The following SIPA1 variants were observed in gnomAD, a reference collection of about 807,000 sequenced individuals.
The protein encoded by SIPA1 is signal-induced proliferation-associated protein 1.
Under a neutral mutation model 88.1 loss-of-function variants are expected in SIPA1, and 51 were observed. The ratio of observed to expected loss-of-function variants is 0.58; its 90% CI spans 0.46 to 0.73. SIPA1 has a LOEUF of 0.73. Among genes scored for constraint, SIPA1 ranks in the 30% least tolerant of loss-of-function variants. The probability of loss-of-function intolerance (pLI) is 0.00; values close to 1 mark genes in which losing one functional copy is unlikely to be tolerated. For missense variants in SIPA1, 1,348 were observed against 1,467.6 expected (o/e 0.92, Z 1.33); for synonymous variants, 681 against 664.8 (o/e 1.02, Z -0.37).
chr11:65,642,263 C>A lies in SIPA1; in HGVS notation c.693C>A (p.Phe231Leu), dbSNP rs1467412488. 6.4e-7 allele frequency: 1 copy of A among 1,554,748 alleles called. No individual in the cohort carries two copies. Among genetic ancestry groups the A allele is most frequent in the Non-Finnish European group, 8.7e-7 (1 of 1,150,278 alleles). The part of the protein sequence containing the change: ...KYFYGKEHQN[F>L]FGMDESLGPV... The stretch of plus-strand genomic sequence containing the variant: ...GCGGTCCCCCAGAACATCAGAACTT[C>A]TTCGGGATGGACGAGTCGCTGGGCC... Residue 231 changes from phenylalanine to leucine, a missense_variant, in exon 3 of 16, where the codon TTC (phenylalanine) becomes TTA (leucine). Coordinates refer to ENST00000534313, the MANE Select transcript of SIPA1 (RefSeq NM_006747.4). The surrounding 1 kb of genome is among the most constrained non-coding windows in gnomAD (Gnocchi z 6.5).
rs143728100 is a variant in SIPA1, at chr11:65,650,606, G to A, written c.3020G>A (p.Arg1007Gln). Reference protein sequence around the residue: ...ADRAALEEEVRSLRHNNRRLQ... With the variant: ...ADRAALEEEVQSLRHNNRRLQ... ...AGGGCGGCCCTGGAGGAGGAGGTGC[G>A]GAGCCTGAGACACAACAACCGGCGG... The change falls in exon 16 of 16, where the codon CGG (arginine) becomes CAG (glutamine). Residue 1007 changes from arginine (R) to glutamine (Q), a missense_variant. Arg to Gln is a conservative substitution (Grantham distance 43, BLOSUM62 1). Transcript: ENST00000534313. 1.5e-4 allele frequency: 236 copies of A among 1,586,442 alleles called. No individual in the cohort carries two copies. The African/African-American group carries it at 2.9e-3, about 19-fold the overall frequency.
rs774826251 is a variant in SIPA1 at position 65,647,467 on chromosome 11, G to A, written c.2115G>A (p.Glu705=). ...GCCTGGGCTTCGAGGTGGACGCCGA[G>A]GGATTCGTCACGCACGTGGAGCGCT... The part of the protein sequence containing the change: ...QGRLGFEVDA[E]GFVTHVERFT... Residue 705 remains glutamate (E), a synonymous_variant, in exon 9 of 16, where the codon GAG becomes GAA. Coordinates refer to ENST00000534313, the MANE Select transcript of SIPA1 (RefSeq NM_006747.4). 73 of 1,480,902 alleles carry A rather than the reference G, an allele frequency of 4.9e-5. No homozygotes were observed. The highest frequency in any genetic ancestry group is 6.3e-5 in the Non-Finnish European group (71 of 1,124,544). 91.7% of individuals were successfully genotyped at this position (1,480,902 alleles called of 1,614,324 possible).
Position 65,646,507 on chromosome 11 carries a change from T to G in SIPA1, c.1473T>G (p.Pro491=). ...QDTPAFGPAL[P]AGGGPFAANA... Reference sequence around the variant, plus strand: ...CCCCTGCCTTCGGGCCAGCTCTGCCTGCTGGCGGAGGCCCCTTCGCAGCCA... The same window carrying G: ...CCCCTGCCTTCGGGCCAGCTCTGCCGGCTGGCGGAGGCCCCTTCGCAGCCA... The change falls in exon 8 of 16, where the codon CCT becomes CCG. Residue 491 remains proline, a synonymous_variant. Transcript: ENST00000534313. This position sits in a 1 kb window ranked among gnomAD's most constrained non-coding sequence, Gnocchi z 7.5. 1 of 1,575,564 alleles carries G rather than the reference T, an allele frequency of 6.3e-7. No individual in the cohort carries two copies. Among genetic ancestry groups the G allele is most frequent in the Non-Finnish European group, 8.6e-7 (1 of 1,167,578 alleles).
Position 65,642,073 on chromosome 11 carries a change from G to A in SIPA1, c.680-177G>A, listed in dbSNP as rs1474173196. 1 of 913,510 alleles carries A rather than the reference G, an allele frequency of 1.1e-6. No individual in the cohort carries two copies. Among genetic ancestry groups the A allele is most frequent in the Admixed American group, 3.1e-5 (1 of 31,764 alleles). 56.6% of individuals were successfully genotyped at this position (913,510 alleles called of 1,614,324 possible). A position where few individuals can be genotyped will look rare whatever the true frequency, so the allele number is the denominator to read the frequency against. Reference sequence around the variant, plus strand: ...AGGTCTGGGTCTGGGTCCACCTCTGGGTCAGGGTTGAGATCAAGATATTGA... The same window carrying A: ...AGGTCTGGGTCTGGGTCCACCTCTGAGTCAGGGTTGAGATCAAGATATTGA... On this transcript the variant is annotated intron_variant, in intron 2 of 15. Coordinates refer to ENST00000534313, the MANE Select transcript of SIPA1 (RefSeq NM_006747.4). The surrounding 1 kb of genome is among the most constrained non-coding windows in gnomAD (Gnocchi z 6.5).
intron 12 of SIPA1, 42 bp from the exon 13 acceptor site, chr11:65,649,908 C>T (rs759070636): frequency 3.1e-6 from 5 of 1,613,296 alleles, no homozygotes; most frequent in South Asian, 1.1e-5. Flanking sequence ...TTGGGGGGTG[C>T]TCCTGGGCTT....
chr11:65,641,081 G>A lies in SIPA1; in HGVS notation c.160G>A (p.Gly54Ser), dbSNP rs750756589. Residue 54 changes from glycine (G) to serine (S), a missense_variant, in exon 2 of 16, where the codon GGC becomes AGC. Gly to Ser is a moderately conservative substitution (Grantham distance 56). Around this residue, in one of 4 missense-constraint regions of SIPA1, gnomAD observed 641 missense variants for 797.7 expected, o/e 0.80. Transcript: ENST00000534313. ...AGTCCGGGGCCCACTCCTGCGCAGC[G>A]GCAGCGATGCAGGCGAGGCCAGGCC... is the stretch of plus-strand genomic sequence containing the variant. Reference protein sequence around the residue: ...RPVRGPLLRSGSDAGEARPPT... With the variant: ...RPVRGPLLRSSSDAGEARPPT... 7.6e-5 allele frequency: 121 copies of A among 1,599,734 alleles called. No homozygotes were observed. Among genetic ancestry groups the A allele is most frequent in the Non-Finnish European group, 9.8e-5 (115 of 1,177,770 alleles).
intron 2 of SIPA1, 88 bp downstream of exon 2, chr11:65,641,688 C>A: frequency 8.2e-7 from 1 of 1,215,702 alleles, no homozygotes; most frequent in Non-Finnish European, 1.1e-6. Context: ...GGCTCATGAA[C>A]TGTCCATTTC....
At chr11:65,638,359 CCT>C (rs1278417375) in intron 1 of SIPA1, 177 bp downstream of exon 1, 1 of 151,642 alleles carries the variant, frequency 6.6e-6, no homozygotes, top group Admixed American at 6.6e-5. Flanking sequence ...TGTCCAGCCC[CCT>C]GTCTCTGACC....
Position 65,647,650 on chromosome 11 carries a change from G to A in SIPA1, c.2298G>A (p.Arg766=). ...TCCTGCCCCCCGACGAGAGCGGCCG[G>A]CCCCGCAGGTCAGGGTGCCGGGGAC... ...VTVLPPDESG[R]PRRSFSELYT... Residue 766 remains arginine, a synonymous_variant, in exon 9 of 16, where the codon CGG becomes CGA. Transcript: ENST00000534313. The A allele has an allele frequency of 3.7e-6, 5 of 1,369,290 alleles. No individual in the cohort carries two copies. Among genetic ancestry groups the A allele is most frequent in the South Asian group, 1.6e-5 (1 of 64,142 alleles). 84.8% of individuals were successfully genotyped at this position (1,369,290 alleles called of 1,614,324 possible). A position where few individuals can be genotyped will look rare whatever the true frequency, so the allele number is the denominator to read the frequency against.
chr11:65,643,990 A>G (rs1287388715), intron 4 of SIPA1, among the ~76,000 whole-genome samples: 1 of 152,072 alleles, frequency 6.6e-6, no homozygotes, highest in East Asian at 1.9e-4. Flanking sequence ...ACACAGTGGC[A>G]GCGATAGTGG....
Position 65,642,614 on chromosome 11 carries a change from C to T in SIPA1, c.959C>T (p.Thr320Met). ...TCAGCTTCACCCAAGGTACCACGGA[C>T]GCTGCTCACACTGGATGAGCAAGTG... ...LGSASPKVPR[T>M]LLTLDEQVLS... Residue 320 changes from threonine to methionine, a missense_variant, in exon 4 of 16, where the codon ACG (threonine) becomes ATG (methionine). Transcript: ENST00000534313. The surrounding 1 kb of genome is among the most constrained non-coding windows in gnomAD (Gnocchi z 6.5). The T allele has an allele frequency of 6.3e-7, 1 of 1,583,726 alleles. No homozygotes were observed. Among genetic ancestry groups the T allele is most frequent in the Non-Finnish European group, 8.5e-7 (1 of 1,170,416 alleles).
At position 65,646,526 on chromosome 11, in the gene SIPA1, G is replaced by T. The variant is rs768985594; in HGVS notation, c.1492G>T (p.Ala498Ser). 14 of 1,567,260 alleles carry T rather than the reference G, an allele frequency of 8.9e-6. No homozygotes were observed. Among genetic ancestry groups the T allele is most frequent in the African/African-American group, 1.3e-5 (1 of 74,096 alleles). ...TCTGCCTGCTGGCGGAGGCCCCTTC[G>T]CAGCCAACGCCGACTTCCGGGCCTT... The part of the protein sequence containing the change: ...PALPAGGGPF[A>S]ANADFRAFLL... Residue 498 changes from alanine to serine, a missense_variant, in exon 8 of 16, where the codon GCA becomes TCA. Physicochemically the swap from Ala to Ser is moderately conservative, Grantham distance 99. Coordinates refer to ENST00000534313, the MANE Select transcript of SIPA1 (RefSeq NM_006747.4). The surrounding 1 kb of genome is among the most constrained non-coding windows in gnomAD (Gnocchi z 7.5).
chr11:65,647,064 A>G lies in SIPA1; in HGVS notation c.2030A>G (p.Gln677Arg), dbSNP rs573308013. The G allele has an allele frequency of 1.3e-6, 2 of 1,535,304 alleles. No homozygotes were observed. The highest frequency in any genetic ancestry group is 1.2e-5 in the South Asian group (1 of 83,140). ...GTGGGCGAGGTGGTGGCGCGCCTGCAGGTGAGCTGGAGTGGTAAACTGGGG... is the reference window on the plus strand; with the variant it reads ...GTGGGCGAGGTGGTGGCGCGCCTGCGGGTGAGCTGGAGTGGTAAACTGGGG... ...QAVGEVVARL[Q>R]LVSRGCETRE... Residue 677 changes from glutamine to arginine, a missense_variant and splice_region_variant, in exon 8 of 16, where the codon CAG (glutamine) becomes CGG (arginine). Gln to Arg is a conservative substitution (Grantham distance 43, BLOSUM62 1). This residue lies in a region of SIPA1 where 615 missense variants were observed against 559.8 expected (regional missense o/e 1.10). Transcript: ENST00000534313.
Position 65,646,154 on chromosome 11 carries a change from T to C in SIPA1, c.1264-67T>C. On this transcript the variant is annotated intron_variant, in intron 6 of 15. Coordinates refer to ENST00000534313, the MANE Select transcript of SIPA1 (RefSeq NM_006747.4). The surrounding 1 kb of genome is among the most constrained non-coding windows in gnomAD (Gnocchi z 7.5). ...AGCCATTGGTGCCTTGGCTTTCTCC[T>C]GCCTGAATGAGGAGGGGTTTGGGGC... 6.4e-7 allele frequency: 1 copy of C among 1,572,794 alleles called. No individual in the cohort carries two copies. Among genetic ancestry groups the C allele is most frequent in the Non-Finnish European group, 8.7e-7 (1 of 1,152,806 alleles).
chr11:65,645,127 A>G lies in SIPA1; in HGVS notation c.1157A>G (p.Lys386Arg), dbSNP rs1294599377. 1 of 1,613,284 alleles carries G rather than the reference A, an allele frequency of 6.2e-7. No homozygotes were observed. Reference sequence around the variant, plus strand: ...AGTTACCGGGCCCAGCTAGACACCAAAAGTGAGGCCCAGGGGCAGGAGGGG... The same window carrying G: ...AGTTACCGGGCCCAGCTAGACACCAGAAGTGAGGCCCAGGGGCAGGAGGGG... ...FESYRAQLDT[K>R]TDSTGTHSLY... The change falls in exon 5 of 16, where the codon AAA (lysine) becomes AGA (arginine). Residue 386 changes from lysine (K) to arginine (R), a missense_variant and splice_region_variant. Around this residue, in one of 4 missense-constraint regions of SIPA1, gnomAD observed 641 missense variants for 797.7 expected, o/e 0.80. Coordinates refer to ENST00000534313, the MANE Select transcript of SIPA1 (RefSeq NM_006747.4).
intron 4 of SIPA1, among the ~76,000 whole-genome samples, chr11:65,644,164 G>C (rs1014498851): frequency 1.3e-5 from 2 of 151,786 alleles, no homozygotes; most frequent in South Asian, 4.2e-4. Flanking sequence ...TAGGCAGCCG[G>C]AGAAAAAGGC....
rs2135532676 is a variant in SIPA1 at position 65,649,413 on chromosome 11, G to A, written c.2458G>A (p.Gly820Arg). The A allele has an allele frequency of 6.3e-7, 1 of 1,593,248 alleles. No individual in the cohort carries two copies. The highest frequency in any genetic ancestry group is 8.5e-7 in the Non-Finnish European group (1 of 1,169,606). ...LCLQDGGSPP[G>R]PGDLAEERTE... ...CCTGCAAGATGGTGGCAGTCCTCCA[G>A]GGCCTGGGGATCTGGCCGAGGAGAG... is the stretch of plus-strand genomic sequence containing the variant. Residue 820 changes from glycine (G) to arginine (R), a missense_variant, in exon 10 of 16, where the codon GGG becomes AGG. Transcript: ENST00000534313.
chr11:65,646,074 GT>G lies in SIPA1; in HGVS notation c.1263+118del. The G allele has an allele frequency of 7.9e-7, 1 of 1,266,800 alleles. No individual in the cohort carries two copies. The highest frequency in any genetic ancestry group is 1.1e-6 in the Non-Finnish European group (1 of 895,558). 78.5% of individuals were successfully genotyped at this position (1,266,800 alleles called of 1,614,324 possible). A position where few individuals can be genotyped will look rare whatever the true frequency, so the allele number is the denominator to read the frequency against. ...TTGGCCCCAACAGCCCGCCCCTCTG[GT>G]GGCCCCTTCCCAAAGACAGAAACAC... On this transcript the variant is annotated intron_variant, in intron 6 of 15. Coordinates refer to ENST00000534313, the MANE Select transcript of SIPA1 (RefSeq NM_006747.4). The surrounding 1 kb of genome is among the most constrained non-coding windows in gnomAD (Gnocchi z 7.5).
Position 65,646,609 on chromosome 11 carries a change from C to T in SIPA1, c.1575C>T (p.His525=). ...EQAAGHARQF[H]AMATRTRQQY... The stretch of plus-strand genomic sequence containing the variant: ...CGGCCGGCCACGCGCGCCAGTTCCA[C>T]GCCATGGCCACGCGCACCCGCCAGC... Residue 525 remains histidine (H), a synonymous_variant, in exon 8 of 16, where the codon CAC becomes CAT. Transcript: ENST00000534313. The surrounding 1 kb of genome is among the most constrained non-coding windows in gnomAD (Gnocchi z 7.5). The T allele has an allele frequency of 1.9e-6, 3 of 1,544,724 alleles. No homozygotes were observed. The highest frequency in any genetic ancestry group is 1.7e-6 in the Non-Finnish European group (2 of 1,149,538).
Sources: allele counts gnomAD v4.1 joint callset (sites outside exome capture counted in the v4.1 genomes callset), GRCh38; gene constraint gnomAD v4.1.1; regional missense constraint gnomAD v4.1.1; non-coding constraint Gnocchi (gnomAD v3.1); transcripts MANE v1.5; gene names NCBI Gene and HGNC (gene_info 2026-07-23, HGNC 2026-07-21).